ABCE1: variants seen among roughly 807,000 people sequenced by gnomAD.
ABCE1 encodes ATP-binding cassette sub-family E member 1.
ABCE1 carries 22 observed loss-of-function variants against 83.4 expected under a neutral mutation model. The ratio of observed to expected loss-of-function variants is 0.26; its 90% CI spans 0.19 to 0.38. The LOEUF (loss-of-function observed/expected upper bound fraction) is 0.38, where lower values mean the gene tolerates loss of function less well. Among genes scored for constraint, ABCE1 ranks in the 10% least tolerant of loss-of-function variants. ABCE1 has a pLI of 1.00. For synonymous variants in ABCE1, 204 were observed against 233.7 expected, an observed-to-expected ratio of 0.87 and a Z score of 1.16; for missense variants, 330 against 721.9, an observed-to-expected ratio of 0.46 and a Z score of 6.22.
At chr4:145,104,579 T>C (rs1276942739) in intron 2 of ABCE1, 64 bp downstream of exon 2, 17 of 1,118,276 alleles carry the variant, frequency 1.5e-5, no homozygotes, top group South Asian at 2.0e-5. Context: ...ACTGGTTTGA[T>C]AATTCTTTAC....
intron 2 of ABCE1, among the ~76,000 whole-genome samples, chr4:145,105,338 T>G (rs1369031315): frequency 7.2e-5 from 11 of 152,250 alleles, no homozygotes; most frequent in Admixed American, 5.9e-4. Flanking sequence ...GCATATTTTC[T>G]TCCCCAGTAG....
intron 2 of ABCE1, among the ~76,000 whole-genome samples, chr4:145,104,791 G>T (rs1413431597): frequency 6.6e-6 from 1 of 151,508 alleles, no homozygotes; most frequent in East Asian, 1.9e-4. Context: ...TACTGATCTT[G>T]AAATCTACAA....
At chr4:145,117,249 A>T in intron 9 of ABCE1, 44 bp from the exon 10 acceptor site, 1 of 1,526,920 alleles carries the variant, frequency 6.5e-7, no homozygotes, top group Non-Finnish European at 8.9e-7. Flanking sequence ...ACTATTAAAA[A>T]TAGTTATGTA....
At chr4:145,100,911 C>T (rs1363566757) in intron 1 of ABCE1, among the ~76,000 whole-genome samples, 2 of 152,022 alleles carry the variant, frequency 1.3e-5, no homozygotes, top group African/African-American at 2.4e-5. Flanking sequence ...GTGTGCTAGG[C>T]ACAGGTTCAG....
intron 11 of ABCE1, 65 bp from the exon 12 acceptor site, chr4:145,121,109 A>C: frequency 6.6e-7 from 1 of 1,512,630 alleles, no homozygotes; most frequent in Non-Finnish European, 9.2e-7. Flanking sequence ...ACCAAATAGG[A>C]CATAGTGATT....
chr4:145,101,241 A>G (rs1291179948), intron 1 of ABCE1, among the ~76,000 whole-genome samples: 1 of 152,174 alleles, frequency 6.6e-6, no homozygotes, highest in African/African-American at 2.4e-5. Flanking sequence ...GGAGTAAGCC[A>G]TGTAACTCTC....
intron 1 of ABCE1, among the ~76,000 whole-genome samples, chr4:145,098,880 G>A (rs1306191106): frequency 1.3e-5 from 2 of 152,226 alleles, no homozygotes; most frequent in Non-Finnish European, 2.9e-5. Flanking sequence ...TGAGTGGAAT[G>A]AGTCATGGCA....
At chr4:145,115,891 G>A (rs1244109506) in intron 9 of ABCE1, among the ~76,000 whole-genome samples, 1 of 151,956 alleles carries the variant, frequency 6.6e-6, no homozygotes, top group Non-Finnish European at 1.5e-5. Context: ...GTGCTAAAAT[G>A]TATTAAGAGT....
chr4:145,111,702 G>A (rs1046181746), intron 8 of ABCE1, among the ~76,000 whole-genome samples: 2 of 152,278 alleles, frequency 1.3e-5, no homozygotes, highest in South Asian at 2.1e-4. Flanking sequence ...GAAGCAAGAC[G>A]CGAGGTCTTT....
chr4:145,110,804 A>G (rs1560959553), intron 7 of ABCE1, 164 bp from the exon 8 acceptor site: 1 of 576,628 alleles, frequency 1.7e-6, no homozygotes. Context: ...TTAAGTGATG[A>G]AAGTACACAT....
At chr4:145,119,601 A>G (rs182248557) in intron 10 of ABCE1, among the ~76,000 whole-genome samples, 12 of 152,038 alleles carry the variant, frequency 7.9e-5, no homozygotes, top group African/African-American at 2.9e-4. Context: ...CAATCTGAAA[A>G]TACTCTTACA....
At chr4:145,119,230 C>T (rs1240894486) in intron 10 of ABCE1, among the ~76,000 whole-genome samples, 1 of 151,870 alleles carries the variant, frequency 6.6e-6, no homozygotes, top group Non-Finnish European at 1.5e-5. Context: ...TTTCTCTTCA[C>T]TTAAATATAG....
At chr4:145,119,800 C>A in intron 10 of ABCE1, 132 bp from the exon 11 acceptor site, 1 of 637,096 alleles carries the variant, frequency 1.6e-6, no homozygotes, top group Non-Finnish European at 2.7e-6. Flanking sequence ...TAAGTTACTT[C>A]TTTATATGCA....
Position 145,112,461 on chromosome 4 carries a change from TTTACC to T in ABCE1, c.800+136_800+140del, listed in dbSNP as rs1749506940. 6.2e-6 allele frequency: 4 copies of T among 645,362 alleles called. No homozygotes were observed. The South Asian group carries it at 8.2e-5, about 13-fold the overall frequency. The allele number at this position is 645,362 out of a possible 1,614,324, so 40.0% of individuals were successfully genotyped here. A position where few individuals can be genotyped will look rare whatever the true frequency, so the allele number is the denominator to read the frequency against. On this transcript the variant is annotated intron_variant, in intron 9 of 17. Coordinates refer to ENST00000296577, the MANE Select transcript of ABCE1 (RefSeq NM_002940.3). Reference sequence around the variant, plus strand: ...TGGTTGTTTATAGCTGCCACCTAAATTTACCTTTCTTTACCTAGAACAGAGGTTCT... The same window carrying T: ...TGGTTGTTTATAGCTGCCACCTAAATTTTCTTTACCTAGAACAGAGGTTCT...
At chr4:145,119,803 T>C (rs1282825079) in intron 10 of ABCE1, 129 bp from the exon 11 acceptor site, 2 of 648,342 alleles carry the variant, frequency 3.1e-6, no homozygotes, top group African/African-American at 3.8e-5. Context: ...GTTACTTCTT[T>C]ATATGCAGAC....
intron 9 of ABCE1, 64 bp downstream of exon 9, chr4:145,112,392 A>T: frequency 1.8e-6 from 2 of 1,111,288 alleles, no homozygotes. Flanking sequence ...ATTTCTAAGG[A>T]TTAAACACTG....
chr4:145,112,157 C>G (rs954520356), intron 8 of ABCE1, 82 bp from the exon 9 acceptor site: 4 of 949,264 alleles, frequency 4.2e-6, no homozygotes, highest in Non-Finnish European at 6.2e-6. Flanking sequence ...GCTCTTGATA[C>G]TACAGTGCTT....
chr4:145,127,426 C>G, intron 17 of ABCE1, 100 bp from the exon 18 acceptor site: 1 of 1,020,206 alleles, frequency 9.8e-7, no homozygotes, highest in East Asian at 2.6e-5. Context: ...TGTACAGGCA[C>G]TGTTTTAAGC....
intron 13 of ABCE1, 50 bp from the exon 14 acceptor site, chr4:145,122,968 AGAG>A: frequency 8.1e-7 from 1 of 1,228,302 alleles, no homozygotes; most frequent in Non-Finnish European, 1.1e-6. Flanking sequence ...CATAAATAGA[AGAG>A]TTCTATAGTG....
Sources: allele counts gnomAD v4.1 joint callset (sites outside exome capture counted in the v4.1 genomes callset), GRCh38; gene constraint gnomAD v4.1.1; transcripts MANE v1.5; gene names NCBI Gene and HGNC (gene_info 2026-07-23, HGNC 2026-07-21).